The following HSDL2 variants were observed in gnomAD, a reference collection of about 807,000 sequenced individuals.
HSDL2 encodes the protein hydroxysteroid dehydrogenase-like protein 2.
HSDL2 carries 27 observed loss-of-function variants against 46.3 expected under a neutral mutation model. The observed-to-expected ratio is 0.58, with a 90% CI of 0.43 to 0.80. The LOEUF is 0.80. Among genes scored for constraint, HSDL2 ranks in the 30% least tolerant of loss-of-function variants. The pLI is 0.00. For synonymous variants in HSDL2, 153 were observed against 163.6 expected, an observed-to-expected ratio of 0.94 and a Z score of 0.50; for missense variants, 451 against 502.7, an observed-to-expected ratio of 0.90 and a Z score of 0.98.
Position 112,400,521 on chromosome 9 carries a change from C to T in HSDL2, c.18-3474C>T, listed in dbSNP as rs572531378. On this transcript the variant is annotated intron_variant, in intron 1 of 10. Transcript: ENST00000398805. ...ACTTGGGAGGCTGAGTCAGGAGAATCGCTTGAACCTGGGAGGCGGAGGTTG... is the reference window on the plus strand; with the variant it reads ...ACTTGGGAGGCTGAGTCAGGAGAATTGCTTGAACCTGGGAGGCGGAGGTTG... Among the ~76,000 whole-genome samples the T allele has an allele frequency of 6.6e-5, 10 of 152,300 alleles. No individual in the cohort carries two copies. In the East Asian group the frequency reaches 1.2e-3, roughly 18 times the overall value.
chr9:112,449,627 G>C (rs1173836785), intron 8 of HSDL2, among the ~76,000 whole-genome samples: 2 of 151,998 alleles, frequency 1.3e-5, no homozygotes, highest in African/African-American at 4.8e-5. Context: ...ACTTTGGGAG[G>C]CTGAGGCAGG....
At chr9:112,387,694 G>A (rs1831247268) in intron 1 of HSDL2, among the ~76,000 whole-genome samples, 1 of 152,238 alleles carries the variant, frequency 6.6e-6, no homozygotes, top group South Asian at 2.1e-4. Flanking sequence ...CTGTGCAGTG[G>A]AGAAATATGG....
chr9:112,389,460 A>AT (rs60291761), intron 1 of HSDL2, among the ~76,000 whole-genome samples: 5 of 151,956 alleles, frequency 3.3e-5, no homozygotes, highest in African/African-American at 9.7e-5. Flanking sequence ...ATATGTGAAT[A>AT]TTTTTTTTGT....
At chr9:112,411,704 A>G (rs780609029) in intron 4 of HSDL2, among the ~76,000 whole-genome samples, 29 of 152,300 alleles carry the variant, frequency 1.9e-4, no homozygotes, top group Non-Finnish European at 1.2e-4. Context: ...TGGCAAGCAT[A>G]TAGATTGTGA....
chr9:112,401,415 C>G (rs1044793309), intron 1 of HSDL2, among the ~76,000 whole-genome samples: 2 of 122,290 alleles, frequency 1.6e-5, no homozygotes, highest in African/African-American at 6.5e-5. Context: ...ACACTCCAGA[C>G]TGGGCGACAG....
chr9:112,394,391 G>C (rs1158653449), intron 1 of HSDL2, among the ~76,000 whole-genome samples: 2 of 152,186 alleles, frequency 1.3e-5, no homozygotes, highest in Admixed American at 1.3e-4. Flanking sequence ...GGTGATCCTC[G>C]TCCTCCCAAT....
intron 6 of HSDL2, among the ~76,000 whole-genome samples, chr9:112,423,758 C>G (rs768443576): frequency 6.6e-6 from 1 of 151,954 alleles, no homozygotes; most frequent in Non-Finnish European, 1.5e-5. Flanking sequence ...CTCTGTCGCC[C>G]AGGCTGGAGT....
chr9:112,420,222 G>A (rs1228229252), intron 6 of HSDL2, among the ~76,000 whole-genome samples: 1 of 152,146 alleles, frequency 6.6e-6, no homozygotes. Flanking sequence ...GCTGAGGCAT[G>A]AGAATCACTT....
intron 1 of HSDL2, among the ~76,000 whole-genome samples, chr9:112,399,346 C>T (rs1211915046): frequency 6.6e-6 from 1 of 152,104 alleles, no homozygotes; most frequent in Admixed American, 6.5e-5. Flanking sequence ...GGGCAAAAAG[C>T]AGAACTACTA....
At chr9:112,396,611 A>G (rs375736220) in intron 1 of HSDL2, among the ~76,000 whole-genome samples, 1 of 152,198 alleles carries the variant, frequency 6.6e-6, no homozygotes, top group Admixed American at 6.5e-5. Context: ...AGGAATCAAA[A>G]TGAGACCAGT....
At chr9:112,463,832 T>C (rs1207834895) in intron 10 of HSDL2, among the ~76,000 whole-genome samples, 1 of 151,932 alleles carries the variant, frequency 6.6e-6, no homozygotes, top group African/African-American at 2.4e-5. Flanking sequence ...AGGTAATTTT[T>C]GTATTTTTAC....
chr9:112,418,706 TAC>T (rs1832052404), intron 5 of HSDL2, among the ~76,000 whole-genome samples, 152 bp from the exon 6 acceptor site: 1 of 151,840 alleles, frequency 6.6e-6, no homozygotes, highest in African/African-American at 2.4e-5. Context: ...TATATGTATA[TAC>T]ACACAGATAT....
intron 1 of HSDL2, among the ~76,000 whole-genome samples, chr9:112,393,801 A>C (rs1266233102): frequency 6.6e-6 from 1 of 152,244 alleles, no homozygotes; most frequent in Non-Finnish European, 1.5e-5. Context: ...ACAGGAGTTA[A>C]CACAAGTGCA....
At chr9:112,415,399 T>C (rs1587941650) in intron 4 of HSDL2, among the ~76,000 whole-genome samples, 1 of 152,172 alleles carries the variant, frequency 6.6e-6, no homozygotes, top group East Asian at 1.9e-4. Flanking sequence ...AATCTCTTGG[T>C]CAATCATAGA....
intron 8 of HSDL2, among the ~76,000 whole-genome samples, chr9:112,446,403 T>C (rs10739351): frequency 0.96 from 145,470 of 152,218 alleles, 69,574 homozygotes; most frequent in African/African-American, 0.98. Flanking sequence ...GTGGGAGGAT[T>C]GCCCGAGGCC....
intron 6 of HSDL2, among the ~76,000 whole-genome samples, chr9:112,436,480 G>A (rs1459540413): frequency 6.6e-6 from 1 of 151,838 alleles, no homozygotes; most frequent in African/African-American, 2.4e-5. Flanking sequence ...ATAACTATTT[G>A]TTAAATGAAT....
intron 6 of HSDL2, among the ~76,000 whole-genome samples, chr9:112,434,992 C>T (rs1309558281): frequency 6.6e-6 from 1 of 152,036 alleles, no homozygotes; most frequent in African/African-American, 2.4e-5. Flanking sequence ...ATTTTCTTTC[C>T]CAGAAATCAT....
intron 1 of HSDL2, among the ~76,000 whole-genome samples, chr9:112,400,295 C>G (rs1831559171): frequency 6.6e-6 from 1 of 152,174 alleles, no homozygotes; most frequent in Non-Finnish European, 1.5e-5. Flanking sequence ...TATACTCATT[C>G]ACTGCTGCTG....
intron 1 of HSDL2, among the ~76,000 whole-genome samples, chr9:112,393,412 C>T (rs934483724): frequency 3.3e-5 from 5 of 152,144 alleles, no homozygotes; most frequent in South Asian, 2.1e-4. Flanking sequence ...ATGTGATATT[C>T]GAGACTCATT....
Sources: gnomAD v4.1 joint callset for allele counts (sites outside exome capture counted in the v4.1 genomes callset) on GRCh38, gnomAD v4.1.1 for gene constraint, MANE v1.5 for transcripts, NCBI Gene and HGNC (gene_info 2026-07-23, HGNC 2026-07-21) for gene names.